UNC5C: variants seen among roughly 807,000 people sequenced by gnomAD.
The protein encoded by UNC5C is unc-5 netrin receptor C.
A neutral mutation model predicts 99.8 loss-of-function variants in UNC5C; 47 were observed. The ratio of observed to expected loss-of-function variants is 0.47; its 90% CI spans 0.37 to 0.60. The LOEUF is 0.60. UNC5C is among the 20% of genes least tolerant of loss of function. The probability of loss-of-function intolerance (pLI) is 0.00; values close to 1 mark genes in which losing one functional copy is unlikely to be tolerated. For synonymous variants in UNC5C, 487 were observed against 452.2 expected (o/e 1.08, Z -0.98); for missense variants, 1,062 against 1,165.9 (o/e 0.91, Z 1.30).
intron 14 of UNC5C, among the ~76,000 whole-genome samples, chr4:95,174,335 G>C (rs916610556): frequency 2.0e-5 from 3 of 151,938 alleles, no homozygotes; most frequent in African/African-American, 7.3e-5. Flanking sequence ...TGTGATGTTA[G>C]GGTGTCAATT....
At chr4:95,520,390 T>C (rs963343290) in intron 1 of UNC5C, among the ~76,000 whole-genome samples, 1 of 152,158 alleles carries the variant, frequency 6.6e-6, no homozygotes, top group African/African-American at 2.4e-5. Context: ...TGTCAGGTTA[T>C]ATTAGTTGGT....
intron 1 of UNC5C, among the ~76,000 whole-genome samples, chr4:95,545,097 G>C (rs541653479): frequency 2.6e-5 from 4 of 152,132 alleles, no homozygotes; most frequent in Admixed American, 1.3e-4. Context: ...ATGTCCTTAG[G>C]GGGGGTTGCT....
chr4:95,183,161 C>T, intron 13 of UNC5C, 100 bp from the exon 14 acceptor site: 5 of 1,198,922 alleles, frequency 4.2e-6, no homozygotes, highest in Non-Finnish European at 5.9e-6. Flanking sequence ...CACCTGTGGC[C>T]TCATTTAATC....
At chr4:95,222,266 C>T (rs1738496089) in intron 7 of UNC5C, 5 of 1,431,434 alleles carry the variant, frequency 3.5e-6, no homozygotes, top group Non-Finnish European at 4.6e-6. Flanking sequence ...ATAAATGAAA[C>T]CTTGAAAAGA....
intron 4 of UNC5C, among the ~76,000 whole-genome samples, chr4:95,257,348 G>A (rs1327858334): frequency 2.0e-5 from 3 of 152,048 alleles, no homozygotes; most frequent in East Asian, 3.9e-4. Flanking sequence ...AGGATATAGA[G>A]AGCTATGAGT....
chr4:95,274,322 C>A (rs1438778631), intron 4 of UNC5C, among the ~76,000 whole-genome samples: 1 of 152,084 alleles, frequency 6.6e-6, no homozygotes, highest in East Asian at 1.9e-4. Flanking sequence ...TACCCTGTGA[C>A]CCGGTGGCTA....
intron 1 of UNC5C, among the ~76,000 whole-genome samples, chr4:95,515,219 AATTT>A (rs1457001175): frequency 2.0e-5 from 3 of 152,172 alleles, no homozygotes; most frequent in Non-Finnish European, 4.4e-5. Flanking sequence ...ATATGTAATT[AATTT>A]AATAATTGTA....
chr4:95,354,479 A>ATATATTTTTTTTTTTT lies in UNC5C; in HGVS notation c.125-18849_125-18848insAAAAAAAAAAAATATA. Reference sequence around the variant, plus strand: ...TTACCTAACTCTTCCATATATATATATTTTTTTTTTTTTTTTAAGAGACAG... The same window carrying ATATATTTTTTTTTTTT: ...TTACCTAACTCTTCCATATATATATATATATTTTTTTTTTTTTTTTTTTTTTTTTTTTAAGAGACAG... On this transcript the variant is annotated intron_variant, in intron 1 of 15. Transcript: ENST00000453304. Among the ~76,000 whole-genome samples, 367 of 110,264 alleles carry ATATATTTTTTTTTTTT rather than the reference A, an allele frequency of 3.3e-3. 3 individuals carry two copies. Among genetic ancestry groups the ATATATTTTTTTTTTTT allele is most frequent in the Non-Finnish European group, 5.3e-3 (295 of 55,668 alleles). 72.3% of individuals were successfully genotyped at this position (110,264 alleles called of 152,430 possible).
intron 1 of UNC5C, among the ~76,000 whole-genome samples, chr4:95,413,703 G>A (rs984960352): frequency 2.0e-5 from 3 of 152,106 alleles, no homozygotes; most frequent in African/African-American, 7.2e-5. Context: ...TTAAAAACAT[G>A]TTTCTCTCAA....
chr4:95,327,158 G>A (rs1742918591), intron 2 of UNC5C, among the ~76,000 whole-genome samples: 1 of 152,090 alleles, frequency 6.6e-6, no homozygotes, highest in African/African-American at 2.4e-5. Context: ...CAAAGTTGCA[G>A]GGTGGATCTA....
chr4:95,517,748 G>A (rs1047295737), intron 1 of UNC5C, among the ~76,000 whole-genome samples: 6 of 152,130 alleles, frequency 3.9e-5, no homozygotes, highest in African/African-American at 1.4e-4. Flanking sequence ...GCATGATCAC[G>A]TTTCTGTTAC....
At chr4:95,253,278 A>G (rs1739810213) in intron 4 of UNC5C, among the ~76,000 whole-genome samples, 1 of 152,182 alleles carries the variant, frequency 6.6e-6, no homozygotes, top group African/African-American at 2.4e-5. Flanking sequence ...CAGTGATGTT[A>G]TCCTAATCAT....
At chr4:95,240,107 C>G (rs72672787) in intron 7 of UNC5C, among the ~76,000 whole-genome samples, 7,357 of 152,178 alleles carry the variant, frequency 0.048, 211 homozygotes, top group Middle Eastern at 0.092. Context: ...TTAATGCATT[C>G]CAGACACTAA....
intron 7 of UNC5C, among the ~76,000 whole-genome samples, chr4:95,223,191 C>T (rs574061610): frequency 7.9e-5 from 12 of 151,998 alleles, no homozygotes; most frequent in Admixed American, 2.6e-4. Flanking sequence ...AAATGAAAAA[C>T]CTATGGAAAG....
intron 1 of UNC5C, among the ~76,000 whole-genome samples, chr4:95,345,663 A>G (rs914292657): frequency 6.6e-6 from 1 of 152,046 alleles, no homozygotes; most frequent in Non-Finnish European, 1.5e-5. Context: ...ATCTTCTCTG[A>G]CTATAATGGA....
At chr4:95,486,079 A>T (rs1721320395) in intron 1 of UNC5C, among the ~76,000 whole-genome samples, 1 of 151,824 alleles carries the variant, frequency 6.6e-6, no homozygotes, top group Non-Finnish European at 1.5e-5. Context: ...ATATGATTTA[A>T]TCAGCTTTGA....
chr4:95,210,905 C>CTGTATGGCAG (rs1738053315), intron 10 of UNC5C, among the ~76,000 whole-genome samples: 1 of 152,178 alleles, frequency 6.6e-6, no homozygotes. Context: ...CATGGTACAC[C>CTGTATGGCAG]TGTATGGCAG....
chr4:95,500,800 A>T (rs1020633186), intron 1 of UNC5C, among the ~76,000 whole-genome samples: 1 of 152,146 alleles, frequency 6.6e-6, no homozygotes, highest in African/African-American at 2.4e-5. Context: ...GCTAGAGAGC[A>T]ATTTTCATTT....
At chr4:95,434,264 T>C (rs1746712894) in intron 1 of UNC5C, among the ~76,000 whole-genome samples, 1 of 152,094 alleles carries the variant, frequency 6.6e-6, no homozygotes, top group Admixed American at 6.6e-5. Flanking sequence ...CAATAATGCA[T>C]CACATTATCT....
Sources: gnomAD v4.1 joint callset for allele counts (sites outside exome capture counted in the v4.1 genomes callset) on GRCh38, gnomAD v4.1.1 for gene constraint, MANE v1.5 for transcripts, NCBI Gene and HGNC (gene_info 2026-07-23, HGNC 2026-07-21) for gene names.